PDE1C: variants seen among roughly 807,000 people sequenced by gnomAD.
PDE1C encodes dual specificity calcium/calmodulin-dependent 3',5'-cyclic nucleotide phosphodiesterase 1C.
In PDE1C, 62 loss-of-function variants were observed where a neutral mutation model predicts 93.1. The observed-to-expected ratio is 0.67, with a 90% CI of 0.54 to 0.82. The LOEUF is 0.82. Among genes scored for constraint, PDE1C ranks in the 40% least tolerant of loss-of-function variants. PDE1C has a pLI of 0.00. For synonymous variants in PDE1C, 325 were observed against 310.1 expected (o/e 1.05, Z -0.50); for missense variants, 742 against 884.6 (o/e 0.84, Z 2.04).
intron 14 of PDE1C, chr7:31,820,932 C>G (rs961165303): frequency 3.4e-5 from 5 of 148,276 alleles, no homozygotes; most frequent in African/African-American, 1.3e-4. Flanking sequence ...CTCAATTCTG[C>G]GATGTACATT....
intron 1 of PDE1C, among the ~76,000 whole-genome samples, chr7:32,265,799 G>A (rs7801559): frequency 0.56 from 84,531 of 151,982 alleles, 25,177 homozygotes; most frequent in Admixed American, 0.67. Flanking sequence ...TTGGTATTAC[G>A]CATGTTCACA....
intron 2 of PDE1C, among the ~76,000 whole-genome samples, chr7:32,044,436 G>A (rs1420021266): frequency 6.6e-6 from 1 of 152,118 alleles, no homozygotes; most frequent in Non-Finnish European, 1.5e-5. Context: ...AAGACAAGAA[G>A]ATAGGCATTT....
chr7:32,029,217 G>A (rs1381950649), intron 2 of PDE1C, among the ~76,000 whole-genome samples: 2 of 148,626 alleles, frequency 1.3e-5, no homozygotes, highest in African/African-American at 5.0e-5. Flanking sequence ...GAGAAAAAAG[G>A]AAATCCTTAT....
At chr7:32,332,341 A>G (rs545152529) in intron 1 of PDE1C, among the ~76,000 whole-genome samples, 5 of 152,368 alleles carry the variant, frequency 3.3e-5, no homozygotes, top group East Asian at 3.9e-4. Context: ...CTACTGCTAC[A>G]TAACCAACAA....
intron 2 of PDE1C, among the ~76,000 whole-genome samples, chr7:31,905,868 G>C (rs1301184894): frequency 1.3e-5 from 2 of 152,176 alleles, no homozygotes; most frequent in Non-Finnish European, 1.5e-5. Context: ...ATGATAGTGA[G>C]TTCTCACAAG....
intron 16 of PDE1C, among the ~76,000 whole-genome samples, chr7:31,798,717 G>A (rs1277577064): frequency 6.6e-6 from 1 of 151,636 alleles, no homozygotes; most frequent in African/African-American, 2.4e-5. Flanking sequence ...CTATATCAAG[G>A]GGGTATAAGA....
chr7:31,961,612 C>T (rs907286571), intron 2 of PDE1C, among the ~76,000 whole-genome samples: 1 of 152,092 alleles, frequency 6.6e-6, no homozygotes, highest in African/African-American at 2.4e-5. Flanking sequence ...GAGAAATTAG[C>T]CTGCCCAGTT....
At chr7:32,366,602 T>C (rs1021511443) in intron 1 of PDE1C, among the ~76,000 whole-genome samples, 19 of 152,128 alleles carry the variant, frequency 1.2e-4, no homozygotes, top group African/African-American at 3.9e-4. Context: ...CCCAAACTGG[T>C]CCTCTCTGAG....
In PDE1C at chr7:32,116,833, C is replaced by T. The variant is rs537251106; in HGVS notation, c.308+52952G>A. Among the ~76,000 whole-genome samples, 3 of 152,284 alleles carry T rather than the reference C, an allele frequency of 2.0e-5. No individual in the cohort carries two copies. The South Asian group carries it at 6.2e-4, about 32-fold the overall frequency. ...ATTTATGGAATTATAAAGCTTATGT[C>T]CCTTATAATCACATGGTCATTTCTT... On this transcript the variant is annotated intron_variant, in intron 3 of 18. Coordinates refer to the PDE1C transcript ENST00000396193.
At chr7:32,313,098 T>C (rs1220814024) in intron 1 of PDE1C, among the ~76,000 whole-genome samples, 2 of 151,896 alleles carry the variant, frequency 1.3e-5, no homozygotes, top group Non-Finnish European at 2.9e-5. Flanking sequence ...GCGAAGGATA[T>C]GAATAGACAC....
At chr7:31,694,686 A>C in the PDE1C span, among the ~76,000 whole-genome samples, 2 of 152,180 alleles carry the variant, frequency 1.3e-5, no homozygotes, top group Non-Finnish European at 2.9e-5. Context: ...TTGCTGAAAC[A>C]ATGACAGTGA....
chr7:31,654,539 G>A, the PDE1C span, among the ~76,000 whole-genome samples: 3 of 152,172 alleles, frequency 2.0e-5, no homozygotes, highest in Admixed American at 6.5e-5. Flanking sequence ...GGTCTACAGT[G>A]AGGCAGAGTG....
At chr7:31,626,896 G>A in the PDE1C span, among the ~76,000 whole-genome samples, 4 of 152,168 alleles carry the variant, frequency 2.6e-5, no homozygotes, top group Admixed American at 6.5e-5. Flanking sequence ...GTTTGTTTGT[G>A]GGATAAACAA....
At chr7:31,701,292 A>G in the PDE1C span, among the ~76,000 whole-genome samples, 1 of 152,190 alleles carries the variant, frequency 6.6e-6, no homozygotes. Flanking sequence ...GAGGTTCAAG[A>G]CTTCAGTGGA....
At chr7:31,797,674 T>G (rs1785477039) in intron 16 of PDE1C, among the ~76,000 whole-genome samples, 1 of 151,692 alleles carries the variant, frequency 6.6e-6, no homozygotes, top group Non-Finnish European at 1.5e-5. Context: ...TCACATGATC[T>G]GGGCACACCT....
At chr7:31,666,991 A>G in the PDE1C span, among the ~76,000 whole-genome samples, 2 of 152,294 alleles carry the variant, frequency 1.3e-5, no homozygotes, top group South Asian at 4.1e-4. Context: ...TCATTGAAAC[A>G]ACAGAGAAGG....
Position 31,873,408 on chromosome 7 carries a change from C to A in PDE1C, c.493G>T (p.Asp165Tyr). ...YPPAVIEALK[D>Y]VDKWSFDVFS... ...ACGTCAAAGGACCACTTGTCCACAT[C>A]CTGCAGGACAGGGTGGGGAGAAAGA... Residue 165 changes from aspartate to tyrosine, a missense_variant and splice_region_variant, in exon 6 of 18, where the codon GAT becomes TAT. By Grantham distance (160) the Asp-to-Tyr change is radical. Around this residue, in one of 4 missense-constraint regions of PDE1C, gnomAD observed 205 missense variants for 295.3 expected, o/e 0.69. Transcript: ENST00000396191. 2 of 1,587,332 alleles carry A rather than the reference C, an allele frequency of 1.3e-6. No homozygotes were observed. The highest frequency in any genetic ancestry group is 1.7e-6 in the Non-Finnish European group (2 of 1,156,010).
chr7:31,718,300 C>T, the PDE1C span, among the ~76,000 whole-genome samples: 1 of 151,776 alleles, frequency 6.6e-6, no homozygotes, highest in East Asian at 1.9e-4. Flanking sequence ...GAAAATGGGC[C>T]CACCAAGAGA....
At chr7:31,639,897 T>G in the PDE1C span, among the ~76,000 whole-genome samples, 1 of 152,196 alleles carries the variant, frequency 6.6e-6, no homozygotes, top group Non-Finnish European at 1.5e-5. Context: ...TCTGCATTAG[T>G]CTTAGGGTGG....
Sources: gnomAD v4.1 joint callset for allele counts (sites outside exome capture counted in the v4.1 genomes callset) on GRCh38, gnomAD v4.1.1 for gene constraint, gnomAD v4.1.1 regional missense constraint, MANE v1.5 for transcripts, NCBI Gene and HGNC (gene_info 2026-07-23, HGNC 2026-07-21) for gene names.